Variants in TLK2 observed in about 807,000 individuals in gnomAD.
TLK2 encodes serine/threonine-protein kinase tousled-like 2.
A neutral mutation model predicts 117.3 loss-of-function variants in TLK2; 6 were observed. That is an observed-to-expected ratio of 0.05 (90% CI 0.03 to 0.10). The LOEUF is 0.10. Among genes scored for constraint, TLK2 ranks in the 10% least tolerant of loss-of-function variants. The pLI is 1.00. For missense variants in TLK2, 299 were observed against 901.2 expected, an observed-to-expected ratio of 0.33 and a Z score of 8.56; for synonymous variants, 257 against 316.7, an observed-to-expected ratio of 0.81 and a Z score of 2.00.
At chr17:62,575,719 C>T (rs8077800) in intron 12 of TLK2, among the ~76,000 whole-genome samples, 3,710 of 151,840 alleles carry the variant, frequency 0.024, 143 homozygotes, top group African/African-American at 0.085. Context: ...TTTCTTGAGA[C>T]AGAGCCTTGC....
At chr17:62,580,900 A>T (rs1026805803) in intron 15 of TLK2, among the ~76,000 whole-genome samples, 11 of 152,344 alleles carry the variant, frequency 7.2e-5, no homozygotes, top group Middle Eastern at 3.4e-3. Flanking sequence ...TGTTATGCTC[A>T]TATGAATTTA....
At chr17:62,508,163 T>G (rs11489943) in intron 2 of TLK2, among the ~76,000 whole-genome samples, 4,587 of 128,942 alleles carry the variant, frequency 0.036, 93 homozygotes, top group Middle Eastern at 0.14. Context: ...TAAAAAAATT[T>G]CCTAGTTTTT....
intron 9 of TLK2, among the ~76,000 whole-genome samples, chr17:62,554,327 C>T (rs1011994056): frequency 4.6e-5 from 7 of 152,166 alleles, no homozygotes; most frequent in Non-Finnish European, 1.0e-4. Context: ...GTAATCCCAG[C>T]ACTTTGGGAG....
chr17:62,607,537 A>G (rs527729844), intron 20 of TLK2, among the ~76,000 whole-genome samples: 1 of 151,728 alleles, frequency 6.6e-6, no homozygotes, highest in South Asian at 2.1e-4. Context: ...TCAAAAAAAA[A>G]GACAAAGGAA....
intron 16 of TLK2, 24 bp from the exon 17 acceptor site, chr17:62,596,561 G>T: frequency 1.3e-6 from 2 of 1,592,490 alleles, no homozygotes; most frequent in East Asian, 4.5e-5. Context: ...ATACCTTCTT[G>T]TTAATTTTCC....
chr17:62,471,917 T>TTTTTTTTTTTTTG, intron 1 of TLK2, among the ~76,000 whole-genome samples: 1 of 140,864 alleles, frequency 7.1e-6, no homozygotes, highest in South Asian at 2.4e-4. Flanking sequence ...TTTTTTTTTT[T>TTTTTTTTTTTTTG]AGACAGAGTC....
chr17:62,534,287 C>A (rs1321976957), intron 6 of TLK2, among the ~76,000 whole-genome samples: 1 of 152,100 alleles, frequency 6.6e-6, no homozygotes, highest in African/African-American at 2.4e-5. Context: ...GAGAAAAAGG[C>A]CAAACACAAA....
rs371162260 is a variant in TLK2 at position 62,527,342 on chromosome 17, GTTGA to G, written c.363+3014_363+3017del. Among the ~76,000 whole-genome samples, 526 of 151,934 alleles carry G rather than the reference GTTGA, an allele frequency of 3.5e-3. 3 individuals carry two copies. Among genetic ancestry groups the G allele is most frequent in the African/African-American group, 0.012 (491 of 41,448 alleles). ...TTTTAATATATATTTAAATTTTTTT[GTTGA>G]TTCATATTTATACGTACAGAAGAGT... On this transcript the variant is annotated intron_variant, in intron 6 of 21. Transcript: ENST00000346027.
intron 10 of TLK2, 85 bp downstream of exon 10, chr17:62,560,211 T>G (rs2146341729): frequency 1.1e-6 from 1 of 925,176 alleles, no homozygotes; most frequent in African/African-American, 1.7e-5. Flanking sequence ...TTACTTGAGA[T>G]GAAAATATTT....
intron 2 of TLK2, among the ~76,000 whole-genome samples, chr17:62,481,951 A>AT (rs923921918): frequency 2.1e-4 from 32 of 148,856 alleles, no homozygotes; most frequent in African/African-American, 5.4e-4. Context: ...GAGCTACTGA[A>AT]TTTTTTTTTT....
rs114845419 is a variant in TLK2, at chr17:62,579,262, T to A, written c.1286+688T>A. On this transcript the variant is annotated intron_variant, in intron 14 of 21. Transcript: ENST00000346027. The stretch of plus-strand genomic sequence containing the variant: ...AGAGCTCTCTGTGTATCAGGCTTGG[T>A]CCTAAGTGCCCTTAGTGCTCTCATT... 5.2e-3 allele frequency among the ~76,000 whole-genome samples: 795 copies of A among 152,312 alleles called. 5 individuals are homozygous for A. The highest frequency in any genetic ancestry group is 0.018 in the African/African-American group (757 of 41,572).
At chr17:62,507,395 C>T (rs1014131415) in intron 2 of TLK2, 7 of 152,140 alleles carry the variant, frequency 4.6e-5, no homozygotes, top group African/African-American at 1.7e-4. Context: ...GCTGCAAGGT[C>T]TCTGGGAGTC....
chr17:62,497,321 T>C (rs1402490390), intron 2 of TLK2, among the ~76,000 whole-genome samples: 6 of 152,170 alleles, frequency 3.9e-5, no homozygotes, highest in South Asian at 2.1e-4. Context: ...CACTGACTTA[T>C]AGTTAGTTGA....
At chr17:62,559,299 CATAA>C (rs1353787895) in intron 9 of TLK2, among the ~76,000 whole-genome samples, 28 of 151,834 alleles carry the variant, frequency 1.8e-4, no homozygotes, top group Admixed American at 1.8e-3. Flanking sequence ...ACAAAGCAAA[CATAA>C]AATTCAGTAA....
At chr17:62,527,512 AC>A (rs2145665922) in intron 6 of TLK2, among the ~76,000 whole-genome samples, 1 of 151,910 alleles carries the variant, frequency 6.6e-6, no homozygotes, top group Admixed American at 6.6e-5. Flanking sequence ...CACTAGCCTG[AC>A]CTCTAACAAC....
At chr17:62,555,924 C>G (rs1174681445) in intron 9 of TLK2, among the ~76,000 whole-genome samples, 3 of 152,134 alleles carry the variant, frequency 2.0e-5, no homozygotes, top group Non-Finnish European at 4.4e-5. Flanking sequence ...GTAGTTGGGA[C>G]TATAGGCATG....
chr17:62,471,334 C>G (rs550837165), intron 1 of TLK2, among the ~76,000 whole-genome samples: 3 of 152,098 alleles, frequency 2.0e-5, no homozygotes, highest in African/African-American at 7.2e-5. Context: ...GACTGTAGAC[C>G]GAATGATTGA....
At chr17:62,540,400 A>ATTTTTTTTTTTTTTTTTTTTTTTTT (rs534202077) in intron 7 of TLK2, among the ~76,000 whole-genome samples, 5 of 19,992 alleles carry the variant, frequency 2.5e-4, no homozygotes, top group African/African-American at 2.9e-4. Flanking sequence ...TATGTTCAGA[A>ATTTTTTTTTTTTTTTTTTTTTTTTT]TTTTTTTTTT....
At chr17:62,584,722 A>G (rs954164332) in intron 15 of TLK2, among the ~76,000 whole-genome samples, 1 of 152,234 alleles carries the variant, frequency 6.6e-6, no homozygotes, top group Admixed American at 6.5e-5. Context: ...AGTGGTTTTT[A>G]TACTTTAAAC....
Sources: allele counts gnomAD v4.1 joint callset (sites outside exome capture counted in the v4.1 genomes callset), GRCh38; gene constraint gnomAD v4.1.1; transcripts MANE v1.5; gene names NCBI Gene and HGNC (gene_info 2026-07-23, HGNC 2026-07-21).